The following PLCL2 variants were observed in gnomAD, a reference collection of about 807,000 sequenced individuals.
The protein encoded by PLCL2 is phospholipase C like 2.
In PLCL2, 4 loss-of-function variants were observed where a neutral mutation model predicts 79.6. That is an observed-to-expected ratio of 0.05 (90% CI 0.02 to 0.11). The LOEUF is 0.11. PLCL2 is among the 10% of genes least tolerant of loss of function. The pLI, the probability that PLCL2 is intolerant of heterozygous loss-of-function variation, is 1.00. For missense variants in PLCL2, 895 were observed against 1,291.0 expected, an observed-to-expected ratio of 0.69 and a Z score of 4.70; for synonymous variants, 484 against 457.7, an observed-to-expected ratio of 1.06 and a Z score of -0.73.
chr3:17,082,483 A>G (rs1259022859), intron 5 of PLCL2, among the ~76,000 whole-genome samples: 1 of 152,154 alleles, frequency 6.6e-6, no homozygotes, highest in Admixed American at 6.5e-5. Flanking sequence ...CATCTTAAAC[A>G]TGTAGTCTTA....
intron 1 of PLCL2, among the ~76,000 whole-genome samples, chr3:17,002,162 A>G (rs2064218195): frequency 6.6e-6 from 1 of 152,026 alleles, no homozygotes; most frequent in Admixed American, 6.6e-5. Context: ...ACTAATTTTG[A>G]TTTCACTGTT....
chr3:17,067,877 C>T, intron 4 of PLCL2, 79 bp from the exon 5 acceptor site: 1 of 744,566 alleles, frequency 1.3e-6, no homozygotes, highest in Non-Finnish European at 2.2e-6. Flanking sequence ...TTAGCTGTAC[C>T]TAGAAAAAGA....
intron 1 of PLCL2, among the ~76,000 whole-genome samples, chr3:17,002,300 A>G (rs2064219381): frequency 6.6e-6 from 1 of 152,068 alleles, no homozygotes; most frequent in Admixed American, 6.6e-5. Context: ...AGATCATGTC[A>G]TCTACAAACA....
At chr3:16,985,423 A>G (rs2064039457) in intron 1 of PLCL2, among the ~76,000 whole-genome samples, 1 of 152,202 alleles carries the variant, frequency 6.6e-6, no homozygotes, top group Non-Finnish European at 1.5e-5. Flanking sequence ...TTATCTCTGA[A>G]GTTAACAGTA....
intron 4 of PLCL2, among the ~76,000 whole-genome samples, chr3:17,054,178 AG>A (rs2064871189): frequency 6.6e-6 from 1 of 152,044 alleles, no homozygotes. Flanking sequence ...ATCACTCTCA[AG>A]TTCAAGGTTC....
intron 1 of PLCL2, among the ~76,000 whole-genome samples, chr3:16,968,434 C>A (rs562441539): frequency 5.3e-5 from 8 of 152,052 alleles, no homozygotes; most frequent in African/African-American, 1.7e-4. Flanking sequence ...TTTGTGTCAT[C>A]TCTGATTTCT....
In PLCL2 at chr3:16,885,074, G is replaced by A. The variant is rs1354523959; in HGVS notation, c.35G>A (p.Gly12Glu). 1 of 388,608 alleles carries A rather than the reference G, an allele frequency of 2.6e-6. No individual in the cohort carries two copies. Among genetic ancestry groups the A allele is most frequent in the East Asian group, 3.7e-5 (1 of 27,258 alleles). 24.1% of individuals were successfully genotyped at this position (388,608 alleles called of 1,614,324 possible). A position where few individuals can be genotyped will look rare whatever the true frequency, so the allele number is the denominator to read the frequency against. ...TGCGGCCGGGGGGGCGCCGCCGGCG[G>A]GGCCCTGCCCACCTCCCCGGGCCCG... ...AECGRGGAAG[G>E]ALPTSPGPAL... is the part of the protein sequence containing the mutation. The change falls in exon 1 of 6, where the codon GGG becomes GAG. Residue 12 changes from glycine to glutamate, a missense_variant. By Grantham distance (98) the Gly-to-Glu change is moderately conservative (BLOSUM62 -2). Around this residue, in one of 6 missense-constraint regions of PLCL2, gnomAD observed 110 missense variants for 42.9 expected, o/e 2.56. Coordinates refer to ENST00000615277, the MANE Select transcript of PLCL2 (RefSeq NM_001144382.2).
intron 1 of PLCL2, among the ~76,000 whole-genome samples, chr3:16,889,997 G>A (rs1164291071): frequency 1.3e-5 from 2 of 152,170 alleles, no homozygotes; most frequent in African/African-American, 4.8e-5. Flanking sequence ...AGGAAACCTG[G>A]ATCATTAAGG....
rs1295300960 is a variant in PLCL2 at position 17,009,746 on chromosome 3, A to G, written c.400A>G (p.Ser134Gly). The G allele has an allele frequency of 6.2e-7, 1 of 1,613,004 alleles. No homozygotes were observed. The highest frequency in any genetic ancestry group is 2.2e-5 in the East Asian group (1 of 44,822). Reference sequence around the variant, plus strand: ...CAGCATGCCAACAGAGAAGAAGATCAGCAGTGCAAGTGATTGTATTAATTC... The same window carrying G: ...CAGCATGCCAACAGAGAAGAAGATCGGCAGTGCAAGTGATTGTATTAATTC... ...FSSMPTEKKI[S>G]SASDCINSMV... The change falls in exon 2 of 6, where the codon AGC (serine) becomes GGC (glycine). Residue 134 changes from serine to glycine, a missense_variant. Around this residue, in one of 6 missense-constraint regions of PLCL2, gnomAD observed 129 missense variants for 208.8 expected, o/e 0.62. Coordinates refer to ENST00000615277, the MANE Select transcript of PLCL2 (RefSeq NM_001144382.2). The surrounding 1 kb of genome is among the most constrained non-coding windows in gnomAD (Gnocchi z 4.0).
At chr3:16,981,613 C>G (rs1367416969) in intron 1 of PLCL2, among the ~76,000 whole-genome samples, 1 of 152,180 alleles carries the variant, frequency 6.6e-6, no homozygotes, top group East Asian at 1.9e-4. Flanking sequence ...GCAGCATGGG[C>G]AAAAACTGTA....
chr3:16,982,578 G>A (rs1027574934), intron 1 of PLCL2, among the ~76,000 whole-genome samples: 1 of 152,146 alleles, frequency 6.6e-6, no homozygotes, highest in Non-Finnish European at 1.5e-5. Context: ...CCTGGGATGG[G>A]GTGTTGCCTG....
At chr3:16,929,734 T>C (rs752861114) in intron 1 of PLCL2, among the ~76,000 whole-genome samples, 1 of 152,220 alleles carries the variant, frequency 6.6e-6, no homozygotes, top group Non-Finnish European at 1.5e-5. Context: ...TGAGTCCTTC[T>C]GAAACTTGAA....
At chr3:17,060,920 A>G (rs1047061938) in intron 4 of PLCL2, among the ~76,000 whole-genome samples, 3 of 152,182 alleles carry the variant, frequency 2.0e-5, no homozygotes, top group African/African-American at 7.2e-5. Flanking sequence ...TTTTTAATCT[A>G]TACACAAAAA....
intron 5 of PLCL2, among the ~76,000 whole-genome samples, chr3:17,072,421 C>T (rs944347101): frequency 2.0e-5 from 3 of 152,058 alleles, no homozygotes; most frequent in African/African-American, 7.2e-5. Context: ...GTAATCCCAG[C>T]ACTTTGGGAG....
chr3:17,023,624 T>A (rs6789316), intron 3 of PLCL2, among the ~76,000 whole-genome samples: 123,456 of 152,154 alleles, frequency 0.81, 50,241 homozygotes, highest in African/African-American at 0.84. Context: ...CTGTAAGTCA[T>A]ATTAATCCTC....
intron 1 of PLCL2, among the ~76,000 whole-genome samples, chr3:16,976,537 C>G (rs1298603538): frequency 6.6e-6 from 1 of 152,160 alleles, no homozygotes; most frequent in Non-Finnish European, 1.5e-5. Flanking sequence ...AATTTATTTA[C>G]TGTAAATATT....
chr3:17,046,842 C>G (rs1452821887), intron 4 of PLCL2, among the ~76,000 whole-genome samples: 2 of 152,110 alleles, frequency 1.3e-5, no homozygotes, highest in Admixed American at 1.3e-4. Context: ...TGACCAGGTA[C>G]CTCTGGGAAC....
chr3:16,949,032 C>A (rs1193098034), intron 1 of PLCL2, among the ~76,000 whole-genome samples: 1 of 152,158 alleles, frequency 6.6e-6, no homozygotes, highest in East Asian at 1.9e-4. Flanking sequence ...TTATTATATG[C>A]ATGTATGACA....
chr3:16,892,851 G>T (rs1326333718), intron 1 of PLCL2, among the ~76,000 whole-genome samples: 1 of 152,090 alleles, frequency 6.6e-6, no homozygotes, highest in Non-Finnish European at 1.5e-5. Context: ...TCCAAGCAAG[G>T]TTAGAGAGGC....
Sources: gnomAD v4.1 joint callset for allele counts (sites outside exome capture counted in the v4.1 genomes callset) on GRCh38, gnomAD v4.1.1 for gene constraint, gnomAD v4.1.1 regional missense constraint, Gnocchi (gnomAD v3.1) non-coding constraint, MANE v1.5 for transcripts, NCBI Gene and HGNC (gene_info 2026-07-23, HGNC 2026-07-21) for gene names.